COL14A1: variants seen among roughly 807,000 people sequenced by gnomAD.
COL14A1 encodes the protein collagen type XIV alpha 1 chain, also known as collagen alpha-1(XIV) chain.
A neutral mutation model predicts 230.3 loss-of-function variants in COL14A1; 136 were observed. That is an observed-to-expected ratio of 0.59 (90% CI 0.51 to 0.68). The LOEUF is 0.68. COL14A1 is among the 30% of genes least tolerant of loss of function. The probability of loss-of-function intolerance (pLI) is 0.00; values close to 1 mark genes in which losing one functional copy is unlikely to be tolerated. For missense variants in COL14A1, 1,976 were observed against 2,215.8 expected (o/e 0.89, Z 2.17); for synonymous variants, 792 against 784.1 (o/e 1.01, Z -0.17).
At chr8:120,358,181 T>C (rs1287954523) in intron 45 of COL14A1, among the ~76,000 whole-genome samples, 1 of 152,216 alleles carries the variant, frequency 6.6e-6, no homozygotes, top group African/African-American at 2.4e-5. Context: ...TATTAGTCAG[T>C]TTGAACAGAT....
chr8:120,315,901 C>T (rs1336957601), intron 39 of COL14A1, 43 bp from the exon 40 acceptor site: 2 of 1,603,868 alleles, frequency 1.2e-6, no homozygotes, highest in Non-Finnish European at 1.7e-6. Flanking sequence ...GCAGATGACT[C>T]ATTCCTGTGA....
At chr8:120,142,618 G>T (rs1356969269) in intron 1 of COL14A1, among the ~76,000 whole-genome samples, 1 of 152,170 alleles carries the variant, frequency 6.6e-6, no homozygotes, top group Admixed American at 6.5e-5. Flanking sequence ...TCCAGTATGT[G>T]AATTTGTTAA....
intron 32 of COL14A1, among the ~76,000 whole-genome samples, 153 bp from the exon 33 acceptor site, chr8:120,285,708 C>T (rs6469904): frequency 0.027 from 4,098 of 152,182 alleles, 188 homozygotes; most frequent in African/African-American, 0.093. Context: ...TCTGCGGCAA[C>T]CTGGGGACTG....
At chr8:120,319,317 TG>T (rs1395589447) in intron 40 of COL14A1, among the ~76,000 whole-genome samples, 1 of 151,942 alleles carries the variant, frequency 6.6e-6, no homozygotes, top group African/African-American at 2.4e-5. Flanking sequence ...CCATCATGTC[TG>T]GCTAATTTTT....
At chr8:120,203,418 G>T (rs982203220) in intron 8 of COL14A1, among the ~76,000 whole-genome samples, 6 of 151,692 alleles carry the variant, frequency 4.0e-5, no homozygotes, top group Admixed American at 3.9e-4. Context: ...CTTGGCAATG[G>T]TACATATGCT....
intron 26 of COL14A1, among the ~76,000 whole-genome samples, chr8:120,270,756 A>G (rs961549724): frequency 2.0e-5 from 3 of 151,782 alleles, no homozygotes; most frequent in African/African-American, 7.2e-5. Context: ...AGAAAAGGGA[A>G]CACTTACACA....
intron 38 of COL14A1, among the ~76,000 whole-genome samples, chr8:120,314,542 T>A (rs1455834945): frequency 1.3e-5 from 2 of 152,120 alleles, no homozygotes; most frequent in African/African-American, 4.8e-5. Context: ...TTTGTACCAT[T>A]GAAAAAAAAG....
chr8:120,285,920 A>T lies in COL14A1; in HGVS notation c.4027A>T (p.Thr1343Ser). ...CCAGAGTGGGGATTTTCAAACTGTT[A>T]CTTTCGAAGGACCTGAAATTAGGAA... ...YDQSGDFQTV[T>S]FEGPEIRKIF... Residue 1343 changes from threonine (T) to serine (S), a missense_variant, in exon 33 of 48, where the codon ACT (threonine) becomes TCT (serine). Thr to Ser is a moderately conservative substitution (Grantham distance 58). Coordinates refer to ENST00000297848, the MANE Select transcript of COL14A1 (RefSeq NM_021110.4). The T allele has an allele frequency of 6.2e-7, 1 of 1,611,898 alleles. No individual in the cohort carries two copies.
In COL14A1 at chr8:120,311,782, T is replaced by C. The variant is rs1586853148; in HGVS notation, c.4455+1720T>C. Among the ~76,000 whole-genome samples the C allele has an allele frequency of 2.0e-5, 3 of 152,258 alleles. No homozygotes were observed. In the South Asian group the frequency reaches 6.2e-4, roughly 32 times the overall value. The stretch of plus-strand genomic sequence containing the variant: ...CCCTAGTTTTTGCCCTTCTACTCTA[T>C]TTGCAATTTCTCGATAACATATTAT... On this transcript the variant is annotated intron_variant, in intron 37 of 47. Coordinates refer to ENST00000297848, the MANE Select transcript of COL14A1 (RefSeq NM_021110.4).
intron 45 of COL14A1, among the ~76,000 whole-genome samples, chr8:120,366,022 A>C (rs16893983): frequency 6.6e-6 from 1 of 152,178 alleles, no homozygotes. Context: ...AAAACAAAAA[A>C]CCAAAACCTG....
intron 1 of COL14A1, among the ~76,000 whole-genome samples, chr8:120,144,327 C>A (rs1390393522): frequency 6.6e-6 from 1 of 152,016 alleles, no homozygotes; most frequent in Non-Finnish European, 1.5e-5. Flanking sequence ...ATTATAATTA[C>A]ATTAATGTTT....
intron 26 of COL14A1, among the ~76,000 whole-genome samples, chr8:120,272,534 C>G (rs1563709523): frequency 6.6e-6 from 1 of 151,698 alleles, no homozygotes; most frequent in East Asian, 1.9e-4. Flanking sequence ...CAAATATCTG[C>G]TATCTTTAAG....
rs1815202304 is a variant in COL14A1, at chr8:120,149,498, A to T, written c.88+1568A>T. Among the ~76,000 whole-genome samples, 2 of 152,172 alleles carry T rather than the reference A, an allele frequency of 1.3e-5. 1 individual carries two copies. The highest frequency in any genetic ancestry group is 4.1e-4 in the South Asian group (2 of 4,830). On this transcript the variant is annotated intron_variant, in intron 2 of 47. Transcript: ENST00000297848. ...CTAGATCACTTATCTTCTAAACTCC[A>T]GGATACAAGACACAGATTCTTAGAA...
At chr8:120,199,263 G>A (rs984516957) in intron 7 of COL14A1, 139 bp from the exon 8 acceptor site, 7 of 698,846 alleles carry the variant, frequency 1.0e-5, no homozygotes, top group African/African-American at 5.6e-5. Flanking sequence ...GAAAGACAAC[G>A]TTATTACAAA....
intron 33 of COL14A1, among the ~76,000 whole-genome samples, chr8:120,289,203 A>G (rs1820295502): frequency 6.6e-6 from 1 of 152,054 alleles, no homozygotes. Flanking sequence ...TTTGCCAACC[A>G]CTCGTGGTGC....
chr8:120,222,196 A>G (rs1463112558), intron 14 of COL14A1, among the ~76,000 whole-genome samples: 1 of 152,204 alleles, frequency 6.6e-6, no homozygotes, highest in Non-Finnish European at 1.5e-5. Context: ...CAGGATTGTG[A>G]TAAGGATTAA....
chr8:120,285,249 C>T (rs116061292), intron 32 of COL14A1, among the ~76,000 whole-genome samples: 2,096 of 151,688 alleles, frequency 0.014, 49 homozygotes, highest in African/African-American at 0.049. Flanking sequence ...GTCAGGAGAT[C>T]GAGACCATCC....
At chr8:120,219,660 T>C (rs6996780) in intron 14 of COL14A1, among the ~76,000 whole-genome samples, 62,653 of 151,952 alleles carry the variant, frequency 0.41, 13,258 homozygotes, top group Middle Eastern at 0.49. Flanking sequence ...TAGCAACATA[T>C]GAATCTTCAG....
intron 22 of COL14A1, among the ~76,000 whole-genome samples, chr8:120,253,945 T>C (rs1361983275): frequency 6.6e-6 from 1 of 152,088 alleles, no homozygotes; most frequent in Non-Finnish European, 1.5e-5. Context: ...ACAAAAAAGT[T>C]ATATAAATCA....
Sources: gnomAD v4.1 joint callset for allele counts (sites outside exome capture counted in the v4.1 genomes callset) on GRCh38, gnomAD v4.1.1 for gene constraint, MANE v1.5 for transcripts, NCBI Gene and HGNC (gene_info 2026-07-23, HGNC 2026-07-21) for gene names.